The following PTPRD variants were observed in gnomAD, a reference collection of about 807,000 sequenced individuals.
PTPRD encodes the protein protein tyrosine phosphatase receptor type D, also known as receptor-type tyrosine-protein phosphatase delta.
Under a neutral mutation model 214.5 loss-of-function variants are expected in PTPRD, and 34 were observed. That is an observed-to-expected ratio of 0.16 (90% CI 0.12 to 0.21). PTPRD has a LOEUF of 0.21. PTPRD is among the 10% of genes least tolerant of loss of function. The pLI, the probability that PTPRD is intolerant of heterozygous loss-of-function variation, is 1.00. For missense variants in PTPRD, 2,545 were observed against 2,398.7 expected (o/e 1.06, Z -1.27); for synonymous variants, 1,128 against 845.7 (o/e 1.33, Z -5.79).
At chr9:8,823,462 T>C (rs1470701372) in intron 11 of PTPRD, among the ~76,000 whole-genome samples, 1 of 152,140 alleles carries the variant, frequency 6.6e-6, no homozygotes, top group Non-Finnish European at 1.5e-5. Flanking sequence ...CCAGCAAGTT[T>C]ATATGCCAGC....
intron 21 of PTPRD, among the ~76,000 whole-genome samples, chr9:8,509,137 T>C (rs1262438114): frequency 2.0e-5 from 3 of 151,942 alleles, no homozygotes; most frequent in African/African-American, 4.8e-5. Flanking sequence ...AACACAATCA[T>C]TTAGATTGAA....
chr9:9,821,738 G>T (rs995011942), intron 5 of PTPRD, among the ~76,000 whole-genome samples: 1 of 151,574 alleles, frequency 6.6e-6, no homozygotes, highest in East Asian at 1.9e-4. Flanking sequence ...AAATTTTACT[G>T]AAGACTTTGA....
intron 2 of PTPRD, among the ~76,000 whole-genome samples, chr9:10,523,335 TG>T (rs2053021597): frequency 6.6e-6 from 1 of 151,676 alleles, no homozygotes; most frequent in Non-Finnish European, 1.5e-5. Flanking sequence ...CTAGAAGGCG[TG>T]TGTATTTCCT....
intron 9 of PTPRD, among the ~76,000 whole-genome samples, chr9:9,357,251 G>C (rs1288159570): frequency 2.6e-5 from 4 of 151,378 alleles, no homozygotes; most frequent in African/African-American, 9.7e-5. Context: ...TGTGCACTAA[G>C]TGTCTCTTTC....
At chr9:8,526,540 C>T (rs540626110) in intron 17 of PTPRD, 87 bp downstream of exon 17, 28 of 1,200,406 alleles carry the variant, frequency 2.3e-5, no homozygotes, top group South Asian at 8.1e-5. Flanking sequence ...ATTGGAATGA[C>T]GCTGAAAACA....
chr9:9,571,825 T>G (rs2086528502), intron 8 of PTPRD, among the ~76,000 whole-genome samples: 1 of 151,152 alleles, frequency 6.6e-6, no homozygotes, highest in Non-Finnish European at 1.5e-5. Flanking sequence ...GTATGAATTT[T>G]ATAATAAAAC....
intron 4 of PTPRD, among the ~76,000 whole-genome samples, chr9:10,029,651 T>C (rs183261280): frequency 3.2e-4 from 48 of 152,350 alleles, no homozygotes; most frequent in African/African-American, 1.2e-3. Context: ...CCCCAGTGCC[T>C]GTATCCCTAT....
At chr9:10,409,244 G>C (rs920889852) in intron 2 of PTPRD, among the ~76,000 whole-genome samples, 1 of 151,736 alleles carries the variant, frequency 6.6e-6, no homozygotes, top group African/African-American at 2.4e-5. Flanking sequence ...AATATCTTTT[G>C]ATGAGAAAAT....
intron 39 of PTPRD, among the ~76,000 whole-genome samples, chr9:8,363,859 T>G (rs899776056): frequency 1.3e-5 from 2 of 152,248 alleles, no homozygotes; most frequent in African/African-American, 4.8e-5. Context: ...GCACAGAGAC[T>G]GCTTGCATAT....
intron 10 of PTPRD, among the ~76,000 whole-genome samples, chr9:9,035,924 C>T (rs1461159487): frequency 6.6e-6 from 1 of 152,036 alleles, no homozygotes; most frequent in East Asian, 1.9e-4. Context: ...TATTTGAAGA[C>T]TAATGCTAGT....
chr9:10,352,327 C>T (rs553360326), intron 2 of PTPRD, among the ~76,000 whole-genome samples: 1 of 151,984 alleles, frequency 6.6e-6, no homozygotes, highest in South Asian at 2.1e-4. Context: ...GTACTTGACT[C>T]AATATTAGTA....
intron 4 of PTPRD, among the ~76,000 whole-genome samples, chr9:9,979,418 T>C (rs967347705): frequency 1.3e-5 from 2 of 152,022 alleles, no homozygotes; most frequent in Non-Finnish European, 2.9e-5. Context: ...AAAAATTGAA[T>C]AGTGGTAGTT....
At chr9:8,322,232 C>CT (rs1165056990) in intron 44 of PTPRD, among the ~76,000 whole-genome samples, 1 of 151,944 alleles carries the variant, frequency 6.6e-6, no homozygotes, top group Non-Finnish European at 1.5e-5. Context: ...ACAATGGCCT[C>CT]TAAGTGTTCA....
At chr9:9,676,783 A>C (rs1173867992) in intron 7 of PTPRD, among the ~76,000 whole-genome samples, 3 of 152,034 alleles carry the variant, frequency 2.0e-5, no homozygotes, top group African/African-American at 7.2e-5. Flanking sequence ...CCTCTCCAGC[A>C]CCTGTTGTTT....
chr9:8,819,872 G>A lies in PTPRD; in HGVS notation c.-103-85926C>T, dbSNP rs980458422. ...AAAACGAGCTGAAAGATCACACTGG[G>A]GCTCTCCTGTGTCTTGTTCTCCTTG... On this transcript the variant is annotated intron_variant, in intron 11 of 45. Transcript: ENST00000381196. Among the ~76,000 whole-genome samples, 6 of 151,970 alleles carry A rather than the reference G, an allele frequency of 3.9e-5. No homozygotes were observed. In the East Asian group the frequency reaches 1.2e-3, roughly 29 times the overall value.
At chr9:8,492,093 G>A (rs1043243758) in intron 27 of PTPRD, among the ~76,000 whole-genome samples, 3 of 152,192 alleles carry the variant, frequency 2.0e-5, no homozygotes, top group Non-Finnish European at 4.4e-5. Flanking sequence ...TTAGAGGGGA[G>A]TAATTTTATA....
chr9:10,470,707 T>C (rs2099024842), intron 2 of PTPRD, among the ~76,000 whole-genome samples: 2 of 152,130 alleles, frequency 1.3e-5, no homozygotes, highest in African/African-American at 4.8e-5. Flanking sequence ...CAAGCAAAAC[T>C]GTTTTCAGAA....
chr9:8,771,180 C>CAAAAAAAAAAAAA lies in PTPRD; in HGVS notation c.-103-37235_-103-37234insTTTTTTTTTTTTT, dbSNP rs35840345. The stretch of plus-strand genomic sequence containing the variant: ...TGGGCGACAGAGCAAGATTCCGTCT[C>CAAAAAAAAAAAAA]AAAAAAAAAAAAGATAGTAGTCTTT... On this transcript the variant is annotated intron_variant, in intron 11 of 45. Coordinates refer to ENST00000381196, the MANE Select transcript of PTPRD (RefSeq NM_002839.4). Among the ~76,000 whole-genome samples, 40 of 141,112 alleles carry CAAAAAAAAAAAAA rather than the reference C, an allele frequency of 2.8e-4. 2 individuals carry two copies. The highest frequency in any genetic ancestry group is 6.0e-4 in the African/African-American group (22 of 36,502). 92.6% of individuals were successfully genotyped at this position (141,112 alleles called of 152,430 possible).
At chr9:9,736,449 G>C (rs1339736797) in intron 6 of PTPRD, among the ~76,000 whole-genome samples, 1 of 151,932 alleles carries the variant, frequency 6.6e-6, no homozygotes, top group Non-Finnish European at 1.5e-5. Flanking sequence ...GCAGATATGT[G>C]GATTGTTTCC....
Sources: gnomAD v4.1 joint callset for allele counts (sites outside exome capture counted in the v4.1 genomes callset) on GRCh38, gnomAD v4.1.1 for gene constraint, MANE v1.5 for transcripts, NCBI Gene and HGNC (gene_info 2026-07-23, HGNC 2026-07-21) for gene names.